Variants in CASP5 observed in about 807,000 individuals in gnomAD.
CASP5 encodes the protein caspase 5.
A neutral mutation model predicts 45.2 loss-of-function variants in CASP5; 42 were observed. The observed-to-expected ratio is 0.93, with a 90% CI of 0.73 to 1.20. The LOEUF is 1.20. CASP5 is among the 50% of genes most tolerant of loss of function. The pLI is 0.00. For missense variants in CASP5, 512 were observed against 532.2 expected (o/e 0.96, Z 0.37); for synonymous variants, 209 against 186.2 (o/e 1.12, Z -1.00).
At chr11:105,009,720 C>CACACACACATATATAT (rs1376205553) in intron 1 of CASP5, among the ~76,000 whole-genome samples, 3 of 64,086 alleles carry the variant, frequency 4.7e-5, no homozygotes, top group Non-Finnish European at 9.7e-5. Flanking sequence ...TATATACACA[C>CACACACACATATATAT]ATATATATAT....
intron 1 of CASP5, among the ~76,000 whole-genome samples, chr11:105,016,413 A>G (rs1862593713): frequency 1.3e-5 from 2 of 152,110 alleles, no homozygotes; most frequent in African/African-American, 2.4e-5. Flanking sequence ...CATCTCACTA[A>G]GGAGTGCCAG....
Position 105,004,084 on chromosome 11 carries a change from T to C in CASP5, c.434-701A>G, listed in dbSNP as rs376769484. On this transcript the variant is annotated intron_variant, in intron 3 of 9. Coordinates refer to ENST00000260315, the MANE Select transcript of CASP5 (RefSeq NM_004347.5). ...CCTGGTATTTTTTAAGCAACTTTTA[T>C]GTGAATTAATAATTATTCTAGAAGA... is the stretch of plus-strand genomic sequence containing the variant. Among the ~76,000 whole-genome samples the C allele has an allele frequency of 2.0e-5, 3 of 152,110 alleles. No homozygotes were observed. The East Asian group carries it at 5.8e-4, about 29-fold the overall frequency.
Position 104,998,941 on chromosome 11 carries a change from G to T in CASP5, c.1040C>A (p.Ser347Tyr). The change falls in exon 7 of 10, where the codon TCT (serine) becomes TAT (tyrosine). Residue 347 changes from serine to tyrosine, a missense_variant. Ser to Tyr is a moderately radical substitution (Grantham distance 144). Coordinates refer to ENST00000260315, the MANE Select transcript of CASP5 (RefSeq NM_004347.5). Reference protein sequence around the residue: ...SQSSENLEADSVCKIHEEKDF... With the variant: ...SQSSENLEADYVCKIHEEKDF... ...CTTCTCCTCGTGGATCTTGCAAACA[G>T]AATCTGCCTCCAGGTTCTCAGATGA... 6.2e-7 allele frequency: 1 copy of T among 1,613,962 alleles called. No individual in the cohort carries two copies. The highest frequency in any genetic ancestry group is 8.5e-7 in the Non-Finnish European group (1 of 1,179,882).
In CASP5 at chr11:105,002,162, C is replaced by A; in HGVS notation, c.583G>T (p.Ala195Ser). 1 of 1,614,080 alleles carries A rather than the reference C, an allele frequency of 6.2e-7. No homozygotes were observed. Among genetic ancestry groups the A allele is most frequent in the African/African-American group, 1.3e-5 (1 of 75,006 alleles). ...AACTTTGTATTGCATATGATGAGAGCCAGGCGTCTGCGGTCCTCTCTCTTT... is the reference window on the plus strand; with the variant it reads ...AACTTTGTATTGCATATGATGAGAGACAGGCGTCTGCGGTCCTCTCTCTTT... The part of the protein sequence containing the change: ...IKKREDRRRL[A>S]LIICNTKFDH... The change falls in exon 5 of 10, where the codon GCT becomes TCT. Residue 195 changes from alanine (A) to serine (S), a missense_variant. Ala to Ser is a moderately conservative substitution (Grantham distance 99). Transcript: ENST00000260315.
intron 9 of CASP5, 88 bp downstream of exon 9, chr11:104,995,652 T>A: frequency 1.3e-6 from 1 of 784,512 alleles, no homozygotes; most frequent in Non-Finnish European, 2.2e-6. Context: ...CTTGACCATA[T>A]AAGCAGTCAG....
At chr11:105,009,375 A>G (rs538810773) in intron 1 of CASP5, among the ~76,000 whole-genome samples, 14 of 151,962 alleles carry the variant, frequency 9.2e-5, no homozygotes, top group African/African-American at 3.1e-4. Context: ...ACTAGACTGC[A>G]GGATCTTTCC....
At position 104,997,488 on chromosome 11, in the gene CASP5, G is replaced by A. The variant is rs1230769410; in HGVS notation, c.1101C>T (p.Asn367=). 1.1e-5 allele frequency: 18 copies of A among 1,599,380 alleles called. No individual in the cohort carries two copies. The highest frequency in any genetic ancestry group is 1.4e-5 in the Non-Finnish European group (16 of 1,167,506). The change falls in exon 8 of 10, where the codon AAC becomes AAT. Residue 367 remains asparagine (N), a synonymous_variant. Transcript: ENST00000260315. ...FIAFCSSTPH[N]VSWRDRTRGS... is the part of the protein sequence containing the mutation. ...CCCTTGTGCGGTCTCTCCAGGACAC[G>A]TTATCTATGATGATACAGCCTGGTA...
intron 1 of CASP5, among the ~76,000 whole-genome samples, chr11:105,019,178 C>G: frequency 6.6e-6 from 1 of 150,798 alleles, no homozygotes; most frequent in East Asian, 1.9e-4. Flanking sequence ...AAATTTATAG[C>G]ACTAAATGCC....
chr11:105,017,354 A>G (rs1862677134), intron 1 of CASP5, among the ~76,000 whole-genome samples: 1 of 152,118 alleles, frequency 6.6e-6, no homozygotes, highest in South Asian at 2.1e-4. Context: ...TGATCAAATT[A>G]CTCCGAGCTA....
chr11:105,003,982 A>G (rs1469323403), intron 3 of CASP5, among the ~76,000 whole-genome samples: 1 of 152,080 alleles, frequency 6.6e-6, no homozygotes, highest in African/African-American at 2.4e-5. Context: ...TTGGATTGAT[A>G]GTCCCCTCCT....
chr11:105,000,416 G>C lies in CASP5; in HGVS notation c.797C>G (p.Ser266Cys). The C allele has an allele frequency of 6.2e-7, 1 of 1,614,160 alleles. No homozygotes were observed. Among genetic ancestry groups the C allele is most frequent in the South Asian group, 1.1e-5 (1 of 91,082 alleles). ...GCAGATTCCCTCTAGGATGCCATGA[G>C]ACATGAGTACCAAGAACGTGCTGTC... ...SSDSTFLVLM[S>C]HGILEGICGT... The change falls in exon 6 of 10, where the codon TCT becomes TGT. Residue 266 changes from serine (S) to cysteine (C), a missense_variant. Transcript: ENST00000260315.
rs190442176 is a variant in CASP5, at chr11:105,022,966, C to T, written c.7+164G>A. 5.3e-5 allele frequency among the ~76,000 whole-genome samples: 8 copies of T among 152,158 alleles called. No individual in the cohort carries two copies. The East Asian group carries it at 1.5e-3, about 29-fold the overall frequency. On this transcript the variant is annotated intron_variant, in intron 1 of 9. Transcript: ENST00000260315. ...CATACTCTCCTTCAGTGTCTCTACA[C>T]AGTCTCAGGATTCAAACTACATACC...
chr11:105,007,197 T>C lies in CASP5; in HGVS notation c.319A>G (p.Lys107Glu). Residue 107 changes from lysine to glutamate, a missense_variant, in exon 3 of 10, where the codon AAA (lysine) becomes GAA (glutamate). Coordinates refer to ENST00000260315, the MANE Select transcript of CASP5 (RefSeq NM_004347.5). ...AAGATCAGGGCCTTGTCTTCAATTTTGGTATCATAATATTTTTTCTTTTCC... is the reference window on the plus strand; with the variant it reads ...AAGATCAGGGCCTTGTCTTCAATTTCGGTATCATAATATTTTTTCTTTTCC... ...EEEKKKYYDT[K>E]IEDKALILVD... The C allele has an allele frequency of 6.2e-7, 1 of 1,613,944 alleles. No individual in the cohort carries two copies. The highest frequency in any genetic ancestry group is 1.3e-5 in the African/African-American group (1 of 75,050).
intron 3 of CASP5, 66 bp from the exon 4 acceptor site, chr11:105,003,449 C>CCTG: frequency 1.3e-6 from 1 of 791,146 alleles, no homozygotes; most frequent in Non-Finnish European, 2.0e-6. Context: ...CACCTAAGAA[C>CCTG]TTTGAGAGAG....
At chr11:105,011,184 A>C (rs920092624) in intron 1 of CASP5, among the ~76,000 whole-genome samples, 2 of 151,780 alleles carry the variant, frequency 1.3e-5, no homozygotes, top group South Asian at 4.1e-4. Flanking sequence ...TAGTTAATGG[A>C]ATGTCTACTC....
intron 1 of CASP5, among the ~76,000 whole-genome samples, chr11:105,009,704 GATATATATATACACACATATAT>G (rs1862174818): frequency 1.0e-5 from 1 of 98,480 alleles, no homozygotes; most frequent in African/African-American, 3.8e-5. Flanking sequence ...TTTACCAGGA[GATATATATATACACACATATAT>G]ATATATATAT....
chr11:105,018,893 A>T (rs1862784282), intron 1 of CASP5, among the ~76,000 whole-genome samples: 2 of 150,026 alleles, frequency 1.3e-5, no homozygotes, highest in Non-Finnish European at 3.0e-5. Flanking sequence ...AAAATTGACC[A>T]CATAGTTGGA....
chr11:105,016,193 G>T (rs1399881499), intron 1 of CASP5, among the ~76,000 whole-genome samples: 6 of 152,150 alleles, frequency 3.9e-5, no homozygotes, highest in Admixed American at 3.9e-4. Flanking sequence ...CATAAGAATT[G>T]TCTGCAGATC....
At chr11:105,023,027 G>T (rs1863054012) in intron 1 of CASP5, 103 bp downstream of exon 1, 2 of 1,077,534 alleles carry the variant, frequency 1.9e-6, no homozygotes, top group Non-Finnish European at 2.8e-6. Context: ...CACACTATTG[G>T]TTGATTTCCC....
Sources: allele counts gnomAD v4.1 joint callset (sites outside exome capture counted in the v4.1 genomes callset), GRCh38; gene constraint gnomAD v4.1.1; transcripts MANE v1.5; gene names NCBI Gene and HGNC (gene_info 2026-07-23, HGNC 2026-07-21).